The following KCNQ3 variants were observed in gnomAD, a reference collection of about 807,000 sequenced individuals.
The protein encoded by KCNQ3 is potassium voltage-gated channel subfamily KQT member 3.
KCNQ3 carries 30 observed loss-of-function variants against 92.5 expected under a neutral mutation model. That is an observed-to-expected ratio of 0.32 (90% CI 0.24 to 0.44). KCNQ3 has a LOEUF of 0.44. KCNQ3 is among the 20% of genes least tolerant of loss of function. KCNQ3 has a pLI of 1.00. For missense variants in KCNQ3, 913 were observed against 1,140.3 expected (o/e 0.80, Z 2.87); for synonymous variants, 450 against 468.8 (o/e 0.96, Z 0.52).
In KCNQ3 at chr8:132,160,867, C is replaced by T. The variant is rs1313560433; in HGVS notation, c.1262+2601G>A. On this transcript the variant is annotated intron_variant, in intron 9 of 14. Transcript: ENST00000388996. ...TACCGTGGGCTTACTAGGGGCCGAG[C>T]GTTATAAAGTATATATGCTTTATTA... is the stretch of plus-strand genomic sequence containing the variant. Among the ~76,000 whole-genome samples the T allele has an allele frequency of 2.6e-5, 4 of 152,106 alleles. No individual in the cohort carries two copies. The East Asian group carries it at 5.8e-4, about 22-fold the overall frequency.
At chr8:132,147,955 CA>C (rs1342555142) in intron 9 of KCNQ3, among the ~76,000 whole-genome samples, 1 of 152,162 alleles carries the variant, frequency 6.6e-6, no homozygotes, top group Non-Finnish European at 1.5e-5. Flanking sequence ...GGCTTCCTAA[CA>C]CATGGTCTAT....
At chr8:132,172,559 A>G in intron 7 of KCNQ3, 39 bp downstream of exon 7, 1 of 1,547,838 alleles carries the variant, frequency 6.5e-7, no homozygotes, top group Non-Finnish European at 8.9e-7. Context: ...ATATGCATGG[A>G]TCTTAATCCC....
At chr8:132,212,358 C>A (rs1268041382) in intron 1 of KCNQ3, among the ~76,000 whole-genome samples, 4 of 152,136 alleles carry the variant, frequency 2.6e-5, no homozygotes, top group Non-Finnish European at 5.9e-5. Context: ...TTCCCCTCAA[C>A]TGTCCTTTTC....
At chr8:132,207,001 T>C (rs1422759192) in intron 1 of KCNQ3, among the ~76,000 whole-genome samples, 1 of 152,212 alleles carries the variant, frequency 6.6e-6, no homozygotes, top group African/African-American at 2.4e-5. Context: ...TCATGTTTAA[T>C]GAAAAAGCAA....
intron 5 of KCNQ3, among the ~76,000 whole-genome samples, chr8:132,174,646 T>A (rs1037070815): frequency 6.6e-6 from 1 of 152,238 alleles, no homozygotes; most frequent in African/African-American, 2.4e-5. Flanking sequence ...ATTTTATTTA[T>A]AGCCATGTTT....
At position 132,362,318 on chromosome 8, in the gene KCNQ3, G is replaced by T. The variant is rs375588576; in HGVS notation, c.386+117829C>A. Among the ~76,000 whole-genome samples, 31 of 152,010 alleles carry T rather than the reference G, an allele frequency of 2.0e-4. 1 individual carries two copies. The East Asian group carries it at 3.3e-3, about 16-fold the overall frequency. ...CATGGGGTGTTATTTTTCTAAGAAC[G>T]TCACATTTTTACCTGTGGAAATTCT... On this transcript the variant is annotated intron_variant, in intron 1 of 14. Transcript: ENST00000388996.
At position 132,128,603 on chromosome 8, in the gene KCNQ3, T is replaced by C. The variant is rs754977461; in HGVS notation, c.*659A>G. The C allele has an allele frequency of 4.6e-5, 7 of 153,278 alleles. No homozygotes were observed. The highest frequency in any genetic ancestry group is 8.7e-5 in the Non-Finnish European group (6 of 68,994). 9.5% of individuals were successfully genotyped at this position (153,278 alleles called of 1,614,324 possible). The stretch of plus-strand genomic sequence containing the variant: ...ATGCTACACTTGGGATTACCACCAC[T>C]TTTTACAGATAAGGAAACTGAGGCA... On this transcript the variant is annotated 3_prime_UTR_variant, in exon 15 of 15. Coordinates refer to ENST00000388996, the MANE Select transcript of KCNQ3 (RefSeq NM_004519.4).
At chr8:132,397,908 C>T (rs1022495354) in intron 1 of KCNQ3, among the ~76,000 whole-genome samples, 1 of 152,142 alleles carries the variant, frequency 6.6e-6, no homozygotes, top group African/African-American at 2.4e-5. Context: ...TCCATCTATA[C>T]AAAATCCTAG....
chr8:132,417,962 G>A (rs1199789047), intron 1 of KCNQ3, among the ~76,000 whole-genome samples: 1 of 152,092 alleles, frequency 6.6e-6, no homozygotes, highest in Non-Finnish European at 1.5e-5. Context: ...ATCCACCCAA[G>A]GTCCGTGGTG....
At chr8:132,344,376 A>G (rs1382384293) in intron 1 of KCNQ3, among the ~76,000 whole-genome samples, 2 of 152,234 alleles carry the variant, frequency 1.3e-5, no homozygotes, top group African/African-American at 4.8e-5. Context: ...ACCAGGTGCC[A>G]TTTGAGGAAA....
rs1004654367 is a variant in KCNQ3, at chr8:132,245,101, G to A, written c.387-58920C>T. The stretch of plus-strand genomic sequence containing the variant: ...CAATCTCCTGATATAATTTGTGCCT[G>A]TTCATAGCAAAAGCCTTGGGAAAGA... On this transcript the variant is annotated intron_variant, in intron 1 of 14. Coordinates refer to ENST00000388996, the MANE Select transcript of KCNQ3 (RefSeq NM_004519.4). 5.3e-5 allele frequency among the ~76,000 whole-genome samples: 8 copies of A among 152,096 alleles called. 1 individual carries two copies. Among genetic ancestry groups the A allele is most frequent in the Non-Finnish European group, 1.2e-4 (8 of 68,034 alleles).
At chr8:132,362,885 G>A (rs1819208966) in intron 1 of KCNQ3, among the ~76,000 whole-genome samples, 1 of 152,166 alleles carries the variant, frequency 6.6e-6, no homozygotes, top group Non-Finnish European at 1.5e-5. Context: ...AATGGGGCGA[G>A]GGCGGCGTGG....
chr8:132,217,518 G>A (rs1814076520), intron 1 of KCNQ3, among the ~76,000 whole-genome samples: 1 of 151,928 alleles, frequency 6.6e-6, no homozygotes, highest in Non-Finnish European at 1.5e-5. Flanking sequence ...AGACCATCCT[G>A]GCTAACATGA....
intron 1 of KCNQ3, among the ~76,000 whole-genome samples, chr8:132,289,997 T>G (rs1415764949): frequency 1.3e-5 from 2 of 152,190 alleles, no homozygotes; most frequent in Non-Finnish European, 2.9e-5. Flanking sequence ...CAGAAGGAGC[T>G]TCAACCTCCA....
intron 1 of KCNQ3, among the ~76,000 whole-genome samples, chr8:132,479,650 C>CACAT (rs1441497217): frequency 1.3e-5 from 2 of 151,654 alleles, no homozygotes; most frequent in African/African-American, 4.9e-5. Flanking sequence ...CACACACACA[C>CACAT]ACACACGCTC....
rs146923540 is a variant in KCNQ3, at chr8:132,271,398, T to A, written c.387-85217A>T. Reference sequence around the variant, plus strand: ...TGCCAAGAAAAAGATGGGCTTCTTCTATGAACTGCTTTGTCATATTTTATT... The same window carrying A: ...TGCCAAGAAAAAGATGGGCTTCTTCAATGAACTGCTTTGTCATATTTTATT... On this transcript the variant is annotated intron_variant, in intron 1 of 14. Transcript: ENST00000388996. 2.0e-3 allele frequency among the ~76,000 whole-genome samples: 312 copies of A among 152,392 alleles called. 1 individual carries two copies. The highest frequency in any genetic ancestry group is 3.2e-3 in the Non-Finnish European group (221 of 68,042).
chr8:132,188,380 A>C (rs550682465), intron 1 of KCNQ3, among the ~76,000 whole-genome samples: 2 of 152,232 alleles, frequency 1.3e-5, no homozygotes, highest in Non-Finnish European at 2.9e-5. Context: ...GCAAGTCCAC[A>C]TTATGATTCT....
intron 1 of KCNQ3, among the ~76,000 whole-genome samples, chr8:132,300,335 C>A (rs1244155867): frequency 6.6e-6 from 1 of 152,180 alleles, no homozygotes; most frequent in Admixed American, 6.5e-5. Context: ...CAGGAGTGCC[C>A]TGCACAGGGA....
intron 10 of KCNQ3, 112 bp from the exon 11 acceptor site, chr8:132,140,290 CT>C: frequency 1.4e-6 from 1 of 707,008 alleles, no homozygotes; most frequent in Non-Finnish European, 2.5e-6. Context: ...TCCCCAGAGT[CT>C]TTATTTCCAC....
Sources: allele counts gnomAD v4.1 joint callset (sites outside exome capture counted in the v4.1 genomes callset), GRCh38; gene constraint gnomAD v4.1.1; transcripts MANE v1.5; gene names NCBI Gene and HGNC (gene_info 2026-07-23, HGNC 2026-07-21).